APLP2: variants seen among roughly 807,000 people sequenced by gnomAD.
The protein encoded by APLP2 is amyloid beta precursor like protein 2.
In APLP2, 53 loss-of-function variants were observed where a neutral mutation model predicts 89.9. The observed-to-expected ratio is 0.59, with a 90% confidence interval of 0.47 to 0.74. The LOEUF (loss-of-function observed/expected upper bound fraction) is 0.74. Among genes scored for constraint, APLP2 ranks in the 30% least tolerant of loss-of-function variants. APLP2 has a pLI of 0.00. For missense variants in APLP2, 973 were observed against 975.9 expected, an observed-to-expected ratio of 1.00 and a Z score of 0.04; for synonymous variants, 372 against 348.6, an observed-to-expected ratio of 1.07 and a Z score of -0.75.
At chr11:130,111,273 C>T (rs1948524372) in intron 3 of APLP2, among the ~76,000 whole-genome samples, 1 of 152,054 alleles carries the variant, frequency 6.6e-6, no homozygotes, top group Non-Finnish European at 1.5e-5. Context: ...GCTTCAAATG[C>T]TCAGGGAATA....
At position 130,133,623 on chromosome 11, in the gene APLP2, T is replaced by C. The variant is rs1345722885; in HGVS notation, c.1585-6T>C. 6.2e-7 allele frequency: 1 copy of C among 1,610,754 alleles called. No individual in the cohort carries two copies. Among genetic ancestry groups the C allele is most frequent in the Non-Finnish European group, 8.5e-7 (1 of 1,177,038 alleles). ...CAACACCTCTCCACCATAACTCTGC[T>C]TCCAGGTGATGACACATCTCCACGT... On this transcript the variant is annotated splice_region_variant and splice_polypyrimidine_tract_variant and intron_variant, in intron 11 of 16. Transcript: ENST00000338167.
rs144936308 is a variant in APLP2 at position 130,124,468 on chromosome 11, AAG to A, written c.1090+692_1090+693del. On this transcript the variant is annotated intron_variant, in intron 7 of 16. Coordinates refer to ENST00000338167, the MANE Select transcript of APLP2 (RefSeq NM_001142276.2). ...TGGGTTTATGCTGGACGTTGGTAGA[AAG>A]AGTTTCTACCAAGAGTTTTCCCTTT... 4.9e-3 allele frequency among the ~76,000 whole-genome samples: 740 copies of A among 152,228 alleles called. 5 individuals carry two copies. Among genetic ancestry groups the A allele is most frequent in the African/African-American group, 0.017 (705 of 41,514 alleles).
In APLP2 at chr11:130,130,040, T is replaced by C. The variant is rs1950767832; in HGVS notation, c.1458T>C (p.Pro486=). ...AAAACAACTGTTCTCTCTTGCAGCC[T>C]CATCGCATTCTCCAGGCCTTACGGC... ...LAALQSDPPR[P]HRILQALRRY... The change falls in exon 11 of 17, where the codon CCT becomes CCC. Residue 486 remains proline (P), a splice_region_variant and synonymous_variant. Transcript: ENST00000338167. The C allele has an allele frequency of 6.2e-7, 1 of 1,614,064 alleles. No individual in the cohort carries two copies. The highest frequency in any genetic ancestry group is 1.1e-5 in the South Asian group (1 of 91,092).
At chr11:130,076,775 G>T (rs1424996496) in intron 1 of APLP2, among the ~76,000 whole-genome samples, 1 of 152,190 alleles carries the variant, frequency 6.6e-6, no homozygotes, top group Non-Finnish European at 1.5e-5. Flanking sequence ...GTCTCTTCCT[G>T]TATATCTCCT....
intron 1 of APLP2, among the ~76,000 whole-genome samples, chr11:130,089,772 C>A (rs1944637272): frequency 6.6e-6 from 1 of 152,260 alleles, no homozygotes; most frequent in African/African-American, 2.4e-5. Flanking sequence ...CCAGGCCTCG[C>A]TCTTGGCTTT....
intron 1 of APLP2, among the ~76,000 whole-genome samples, chr11:130,083,026 CTTTTTTTTTTTTTT>C (rs553962550): frequency 6.9e-5 from 5 of 72,488 alleles, no homozygotes; most frequent in East Asian, 4.7e-4. Flanking sequence ...CTTTTCTTTT[CTTTTTTTTTTTTTT>C]TTTTTTTTTT....
intron 3 of APLP2, among the ~76,000 whole-genome samples, chr11:130,111,549 G>A (rs1948560342): frequency 6.6e-6 from 1 of 152,208 alleles, no homozygotes; most frequent in Non-Finnish European, 1.5e-5. Flanking sequence ...GCAGCAAAAT[G>A]GAATGTGATA....
intron 1 of APLP2, among the ~76,000 whole-genome samples, chr11:130,086,289 A>G (rs1944112071): frequency 6.6e-6 from 1 of 152,222 alleles, no homozygotes; most frequent in African/African-American, 2.4e-5. Flanking sequence ...ATAGCTAGTG[A>G]TGTTGAGTAT....
At chr11:130,140,602 G>A in intron 14 of APLP2, 119 bp downstream of exon 14, 1 of 726,534 alleles carries the variant, frequency 1.4e-6, no homozygotes, top group East Asian at 3.0e-5. Flanking sequence ...CACAGTAGAA[G>A]GTTGGAGGGC....
intron 2 of APLP2, among the ~76,000 whole-genome samples, chr11:130,110,069 GC>G (rs1209748868): frequency 2.6e-5 from 4 of 152,146 alleles, no homozygotes; most frequent in Non-Finnish European, 4.4e-5. Flanking sequence ...CAAACTCCTG[GC>G]CTCAAGCCAT....
intron 1 of APLP2, among the ~76,000 whole-genome samples, chr11:130,093,886 G>A (rs111649851): frequency 0.06 from 9,056 of 152,088 alleles, 280 homozygotes; most frequent in Non-Finnish European, 0.073. Flanking sequence ...TGGAATTACA[G>A]GCATGTGCCA....
At chr11:130,126,629 G>T in intron 7 of APLP2, 71 bp from the exon 8 acceptor site, 1 of 1,582,346 alleles carries the variant, frequency 6.3e-7, no homozygotes, top group Non-Finnish European at 8.7e-7. Flanking sequence ...TGCAGGTCCT[G>T]AGCTGGGTTT....
chr11:130,123,778 G>T lies in APLP2; in HGVS notation c.1089G>T (p.Met363Ile). The T allele has an allele frequency of 6.2e-7, 1 of 1,614,138 alleles. No individual in the cohort carries two copies. The highest frequency in any genetic ancestry group is 8.5e-7 in the Non-Finnish European group (1 of 1,179,972). Reference protein sequence around the residue: ...EDYCMAVCKAMIPPTPLPTND... With the variant: ...EDYCMAVCKAIIPPTPLPTND... ...ATTGTATGGCTGTGTGTAAAGCGATGAGTAAGTCCTGCCTCGCGCTGGTCC... is the reference window on the plus strand; with the variant it reads ...ATTGTATGGCTGTGTGTAAAGCGATTAGTAAGTCCTGCCTCGCGCTGGTCC... The change falls in exon 7 of 17, where the codon ATG becomes ATT. Residue 363 changes from methionine (M) to isoleucine (I), a missense_variant and splice_region_variant. Met to Ile is a conservative substitution (Grantham distance 10). Coordinates refer to ENST00000338167, the MANE Select transcript of APLP2 (RefSeq NM_001142276.2). The surrounding 1 kb of genome is among the most constrained non-coding windows in gnomAD (Gnocchi z 4.0).
At chr11:130,086,420 A>G (rs1944132051) in intron 1 of APLP2, among the ~76,000 whole-genome samples, 1 of 152,028 alleles carries the variant, frequency 6.6e-6, no homozygotes. Context: ...TATATTCTGG[A>G]TGTTAATTAG....
At chr11:130,081,724 A>C (rs1943182511) in intron 1 of APLP2, among the ~76,000 whole-genome samples, 1 of 152,238 alleles carries the variant, frequency 6.6e-6, no homozygotes, top group Admixed American at 6.5e-5. Context: ...TAACTTGTTC[A>C]TGTTTACAGA....
In APLP2 at chr11:130,139,486, A is replaced by T. The variant is rs1054217683; in HGVS notation, c.1838-912A>T. ...TATATTGAACTGTATGTTATTATGA[A>T]TAAGGAATTCTTATGATAGCTAGAA... On this transcript the variant is annotated intron_variant, in intron 13 of 16. Coordinates refer to ENST00000338167, the MANE Select transcript of APLP2 (RefSeq NM_001142276.2). 4.6e-5 allele frequency: 7 copies of T among 152,376 alleles called. No homozygotes were observed. In the South Asian group the frequency reaches 1.2e-3, roughly 27 times the overall value. 9.4% of individuals were successfully genotyped at this position (152,376 alleles called of 1,614,324 possible).
chr11:130,141,564 G>A lies in APLP2; in HGVS notation c.1990G>A (p.Glu664Lys). The A allele has an allele frequency of 2.5e-6, 4 of 1,613,958 alleles. No individual in the cohort carries two copies. The Admixed American group carries it at 6.7e-5, about 27-fold the overall frequency. Reference protein sequence around the residue: ...FNAERVGGLEEERESVGPLRE... With the variant: ...FNAERVGGLEKERESVGPLRE... The stretch of plus-strand genomic sequence containing the variant: ...TGCCGAGAGAGTTGGAGGCCTCGAG[G>A]AAGAGCGGGTACGTGTTTAGCTCCA... The change falls in exon 15 of 17, where the codon GAA (glutamate) becomes AAA (lysine). Residue 664 changes from glutamate (E) to lysine (K), a missense_variant. By Grantham distance (56) the Glu-to-Lys change is moderately conservative. Transcript: ENST00000338167. The surrounding 1 kb of genome is among the most constrained non-coding windows in gnomAD (Gnocchi z 4.2).
At chr11:130,079,053 T>C (rs1450944178) in intron 1 of APLP2, among the ~76,000 whole-genome samples, 1 of 152,016 alleles carries the variant, frequency 6.6e-6, no homozygotes, top group Non-Finnish European at 1.5e-5. Context: ...AATACCTAGT[T>C]TTCCAATCCG....
intron 1 of APLP2, among the ~76,000 whole-genome samples, chr11:130,091,587 G>T (rs1945230683): frequency 7.0e-6 from 1 of 142,202 alleles, no homozygotes. Context: ...TGGCCGGGTG[G>T]GGGGGCTGAC....
Sources: allele counts gnomAD v4.1 joint callset (sites outside exome capture counted in the v4.1 genomes callset), GRCh38; gene constraint gnomAD v4.1.1; non-coding constraint Gnocchi (gnomAD v3.1); transcripts MANE v1.5; gene names NCBI Gene and HGNC (gene_info 2026-07-23, HGNC 2026-07-21).